SMAD5: variants seen among roughly 807,000 people sequenced by gnomAD.
SMAD5 encodes the protein SMAD family member 5.
Under a neutral mutation model 43.1 loss-of-function variants are expected in SMAD5, and 9 were observed. The ratio of observed to expected loss-of-function variants is 0.21; its 90% CI spans 0.13 to 0.36. SMAD5 has a LOEUF of 0.36. Ranked by LOEUF, SMAD5 falls within the 10% of genes least tolerant of loss-of-function variation. The pLI, the probability that SMAD5 is intolerant of heterozygous loss-of-function variation, is 1.00. For missense variants in SMAD5, 348 were observed against 574.0 expected, an observed-to-expected ratio of 0.61 and a Z score of 4.02; for synonymous variants, 190 against 192.4, an observed-to-expected ratio of 0.99 and a Z score of 0.10.
At chr5:136,140,515 C>G (rs543087895) in intron 1 of SMAD5, among the ~76,000 whole-genome samples, 7 of 152,248 alleles carry the variant, frequency 4.6e-5, no homozygotes, top group South Asian at 4.2e-4. Context: ...CAGAAGCATG[C>G]CAGACATGCT....
intron 1 of SMAD5, among the ~76,000 whole-genome samples, chr5:136,146,580 G>C (rs187542167): frequency 6.6e-6 from 1 of 151,732 alleles, no homozygotes. Context: ...TATACATAAT[G>C]AGAAATTTTT....
rs868571513 is a variant in SMAD5 at position 136,182,438 on chromosome 5, G to T, written c.*4958G>T. 7.2e-5 allele frequency: 11 copies of T among 152,452 alleles called. No individual in the cohort carries two copies. The highest frequency in any genetic ancestry group is 1.7e-4 in the African/African-American group (7 of 41,388). 9.4% of individuals were successfully genotyped at this position (152,452 alleles called of 1,614,324 possible). A position where few individuals can be genotyped will look rare whatever the true frequency, so the allele number is the denominator to read the frequency against. On this transcript the variant is annotated 3_prime_UTR_variant, in exon 8 of 8. Transcript: ENST00000545279. ...AAAATCGAAGAGGATTGTAATCATG[G>T]AAATAGAATGTTTGTATCTACCTGC... is the stretch of plus-strand genomic sequence containing the variant.
chr5:136,166,093 A>G (rs941004749), intron 5 of SMAD5, among the ~76,000 whole-genome samples: 2 of 151,126 alleles, frequency 1.3e-5, no homozygotes, highest in African/African-American at 2.4e-5. Context: ...CTTGTTTTCT[A>G]TTTTTTAGAT....
chr5:136,157,010 T>C (rs181738655), intron 3 of SMAD5, among the ~76,000 whole-genome samples: 1 of 152,236 alleles, frequency 6.6e-6, no homozygotes, highest in East Asian at 1.9e-4. Flanking sequence ...ATTACCAGTA[T>C]TAATAAAGTA....
In SMAD5 at chr5:136,178,299, AT is replaced by A. The variant is rs1754498497; in HGVS notation, c.*824del. Reference sequence around the variant, plus strand: ...TTTTGGACAATGTTGCAAGAACTCTATTTTTGACATGCATTAATCTTTTATT... The same window carrying A: ...TTTTGGACAATGTTGCAAGAACTCTATTTTGACATGCATTAATCTTTTATT... On this transcript the variant is annotated 3_prime_UTR_variant, in exon 8 of 8. Transcript: ENST00000545279. 1 of 152,590 alleles carries A rather than the reference AT, an allele frequency of 6.6e-6. No individual in the cohort carries two copies. Among genetic ancestry groups the A allele is most frequent in the Admixed American group, 6.5e-5 (1 of 15,286 alleles). The allele number at this position is 152,590 out of a possible 1,614,324, so 9.5% of individuals were successfully genotyped here. A position where few individuals can be genotyped will look rare whatever the true frequency, so the allele number is the denominator to read the frequency against.
chr5:136,166,979 C>T (rs1187714433), intron 5 of SMAD5, among the ~76,000 whole-genome samples: 1 of 152,154 alleles, frequency 6.6e-6, no homozygotes, highest in Non-Finnish European at 1.5e-5. Flanking sequence ...AATTTCTTCT[C>T]ATTTCAGTCA....
intron 5 of SMAD5, among the ~76,000 whole-genome samples, chr5:136,171,783 A>G (rs1754230156): frequency 6.6e-6 from 1 of 152,176 alleles, no homozygotes; most frequent in South Asian, 2.1e-4. Flanking sequence ...CTGTTGGGAT[A>G]GAATATATGT....
chr5:136,133,820 C>CT (rs1177575693), intron 1 of SMAD5: 1 of 154,620 alleles, frequency 6.5e-6, no homozygotes, highest in Non-Finnish European at 1.5e-5. Flanking sequence ...TCTGAGCATG[C>CT]TCAGTAGCCA....
intron 4 of SMAD5, among the ~76,000 whole-genome samples, chr5:136,162,837 C>G (rs572598081): frequency 1.3e-5 from 2 of 152,242 alleles, no homozygotes; most frequent in South Asian, 2.1e-4. Flanking sequence ...GTTTTACTTT[C>G]CAGTTTTAAA....
intron 5 of SMAD5, 128 bp from the exon 6 acceptor site, chr5:136,172,306 T>C: frequency 1.7e-6 from 1 of 594,932 alleles, no homozygotes; most frequent in Non-Finnish European, 3.0e-6. Flanking sequence ...GGAAGGACAG[T>C]GAGACTTGTG....
intron 3 of SMAD5, among the ~76,000 whole-genome samples, chr5:136,158,981 T>C (rs1280013497): frequency 2.6e-5 from 4 of 152,092 alleles, no homozygotes; most frequent in Non-Finnish European, 4.4e-5. Flanking sequence ...GAAATAGTAA[T>C]GATAGGCGTT....
rs866186851 is a variant in SMAD5 at position 136,137,016 on chromosome 5, G to A, written c.-245+4054G>A. ...CTGGCTGGGCTCTTTATTTAGTTTT[G>A]ATTTTTTTTTTTTTTTTTTTTGCCT... On this transcript the variant is annotated intron_variant, in intron 1 of 7. Transcript: ENST00000545279. 5.3e-3 allele frequency among the ~76,000 whole-genome samples: 636 copies of A among 120,368 alleles called. 3 individuals are homozygous for A. The highest frequency in any genetic ancestry group is 0.021 in the African/African-American group (603 of 29,050). The allele number at this position is 120,368 out of a possible 152,430, so 79.0% of individuals were successfully genotyped here.
Position 136,161,061 on chromosome 5 carries a change from C to T in SMAD5, c.609C>T (p.Pro203=), listed in dbSNP as rs1167033019. Residue 203 remains proline, a synonymous_variant, in exon 4 of 8, where the codon CCC becomes CCT. Transcript: ENST00000545279. ...CTTCTCCTGCTAGCAGCACATATCC[C>T]AACTCCCCAGCAAGTTCTGGACCAG... ...YPPSPASSTY[P]NSPASSGPGS... The T allele has an allele frequency of 1.9e-6, 3 of 1,613,754 alleles. No individual in the cohort carries two copies. The highest frequency in any genetic ancestry group is 3.3e-5 in the Admixed American group (2 of 60,014).
chr5:136,160,997 A>G lies in SMAD5; in HGVS notation c.545A>G (p.Asn182Ser), dbSNP rs1281813254. The change falls in exon 4 of 8, where the codon AAC becomes AGC. Residue 182 changes from asparagine (N) to serine (S), a missense_variant. Coordinates refer to ENST00000545279, the MANE Select transcript of SMAD5 (RefSeq NM_005903.7). ...TFPDSFHQPN[N>S]TPFPLSPNSP... Reference sequence around the variant, plus strand: ...CCAGATTCTTTCCACCAGCCCAACAACACTCCTTTTCCCTTATCTCCAAAC... The same window carrying G: ...CCAGATTCTTTCCACCAGCCCAACAGCACTCCTTTTCCCTTATCTCCAAAC... The G allele has an allele frequency of 1.4e-5, 22 of 1,613,760 alleles. No homozygotes were observed. Among genetic ancestry groups the G allele is most frequent in the Non-Finnish European group, 1.9e-5 (22 of 1,179,832 alleles).
rs911350327 is a variant in SMAD5 at position 136,161,038 on chromosome 5, TCTC to T, written c.589_591del (p.Pro197del). On this transcript the variant is annotated inframe_deletion, in exon 4 of 8. Coordinates refer to ENST00000545279, the MANE Select transcript of SMAD5 (RefSeq NM_005903.7). ...ATCTCCAAACAGCCCTTATCCCCCTTCTCCTGCTAGCAGCACATATCCCAACTC... is the reference window on the plus strand; with the variant it reads ...ATCTCCAAACAGCCCTTATCCCCCTTCTGCTAGCAGCACATATCCCAACTC... The T allele has an allele frequency of 8.7e-6, 14 of 1,613,348 alleles. No homozygotes were observed. The highest frequency in any genetic ancestry group is 1.1e-5 in the Non-Finnish European group (13 of 1,179,722).
intron 2 of SMAD5, among the ~76,000 whole-genome samples, chr5:136,151,044 T>A (rs976961542): frequency 3.9e-5 from 6 of 152,020 alleles, no homozygotes; most frequent in South Asian, 2.1e-4. Context: ...ATCATAGATA[T>A]CTATAAATAA....
intron 4 of SMAD5, among the ~76,000 whole-genome samples, chr5:136,162,916 G>A (rs1383719273): frequency 1.1e-4 from 17 of 152,200 alleles, no homozygotes. Flanking sequence ...ATACCCAAAT[G>A]AGGAAAATCT....
At chr5:136,137,279 C>CCCCCCT (rs1554101163) in intron 1 of SMAD5, among the ~76,000 whole-genome samples, 1 of 150,124 alleles carries the variant, frequency 6.7e-6, no homozygotes, top group African/African-American at 2.5e-5. Context: ...GACCCCCCCC[C>CCCCCCT]GCATCTCTTC....
At chr5:136,141,247 G>A (rs1184788892) in intron 1 of SMAD5, among the ~76,000 whole-genome samples, 1 of 152,128 alleles carries the variant, frequency 6.6e-6, no homozygotes, top group Non-Finnish European at 1.5e-5. Flanking sequence ...TGAAGAATGA[G>A]TTCTTACTAA....
Sources: gnomAD v4.1 joint callset for allele counts (sites outside exome capture counted in the v4.1 genomes callset) on GRCh38, gnomAD v4.1.1 for gene constraint, MANE v1.5 for transcripts, NCBI Gene and HGNC (gene_info 2026-07-23, HGNC 2026-07-21) for gene names.